The following SMYD3 variants were observed in gnomAD, a reference collection of about 807,000 sequenced individuals.
SMYD3 encodes the protein histone-lysine N-methyltransferase SMYD3.
In SMYD3, 36 loss-of-function variants were observed where a neutral mutation model predicts 57.7. That is an observed-to-expected ratio of 0.62 (90% CI 0.48 to 0.82). The LOEUF (loss-of-function observed/expected upper bound fraction) is 0.82, where lower values mean the gene tolerates loss of function less well. Among genes scored for constraint, SMYD3 ranks in the 40% least tolerant of loss-of-function variants. The pLI is 0.00. For missense variants in SMYD3, 515 were observed against 538.8 expected (o/e 0.96, Z 0.44); for synonymous variants, 211 against 195.0 (o/e 1.08, Z -0.68).
At chr1:246,043,849 C>T (rs1004071308) in intron 5 of SMYD3, among the ~76,000 whole-genome samples, 2 of 152,144 alleles carry the variant, frequency 1.3e-5, no homozygotes, top group African/African-American at 4.8e-5. Flanking sequence ...GAGTTAGAGC[C>T]CTGCCAGAGG....
At chr1:246,174,973 T>C (rs2062409224) in intron 5 of SMYD3, among the ~76,000 whole-genome samples, 1 of 152,226 alleles carries the variant, frequency 6.6e-6, no homozygotes. Context: ...TAGGTATTAA[T>C]GAGAGTGTGG....
intron 5 of SMYD3, among the ~76,000 whole-genome samples, chr1:245,980,158 C>T (rs780847813): frequency 4.6e-5 from 7 of 152,214 alleles, no homozygotes; most frequent in East Asian, 1.9e-4. Context: ...GCAACCCAAG[C>T]GGCATGATCT....
intron 10 of SMYD3, among the ~76,000 whole-genome samples, chr1:245,768,749 G>A (rs1414099152): frequency 1.3e-5 from 2 of 152,148 alleles, no homozygotes; most frequent in Non-Finnish European, 2.9e-5. Flanking sequence ...CTTCCACTGT[G>A]TAAGGACACA....
chr1:246,179,216 A>G (rs1558292825), intron 5 of SMYD3: 4 of 153,434 alleles, frequency 2.6e-5, no homozygotes, highest in East Asian at 1.9e-4. Context: ...CGAAAGCCAC[A>G]TGGCACTGGG....
chr1:246,348,589 G>C (rs1016878418), intron 2 of SMYD3, among the ~76,000 whole-genome samples: 1 of 152,026 alleles, frequency 6.6e-6, no homozygotes, highest in Non-Finnish European at 1.5e-5. Flanking sequence ...ACAGACATTG[G>C]AGAATATAAG....
chr1:245,985,493 C>T (rs1436299491), intron 5 of SMYD3, among the ~76,000 whole-genome samples: 1 of 152,144 alleles, frequency 6.6e-6, no homozygotes, highest in Non-Finnish European at 1.5e-5. Context: ...TGCAAACCAC[C>T]TTTATGTCCT....
rs1336478497 is a variant in SMYD3 at position 245,913,350 on chromosome 1, C to T, written c.813+2180G>A. ...ACACAGGAAGGGGAACATCACACACCGGGGCCTGTTGTGGTGTGGGGGGAG... is the reference window on the plus strand; with the variant it reads ...ACACAGGAAGGGGAACATCACACACTGGGGCCTGTTGTGGTGTGGGGGGAG... On this transcript the variant is annotated intron_variant, in intron 8 of 11. Coordinates refer to ENST00000490107, the MANE Select transcript of SMYD3 (RefSeq NM_001167740.2). 8.2e-5 allele frequency among the ~76,000 whole-genome samples: 10 copies of T among 122,234 alleles called. No homozygotes were observed. In the East Asian group the frequency reaches 8.7e-4, roughly 11 times the overall value. 80.2% of individuals were successfully genotyped at this position (122,234 alleles called of 152,430 possible).
At chr1:246,039,828 G>A (rs1029201941) in intron 5 of SMYD3, among the ~76,000 whole-genome samples, 1 of 152,164 alleles carries the variant, frequency 6.6e-6, no homozygotes. Context: ...CTCTGCCAAT[G>A]ACCTATATTG....
At chr1:246,375,911 G>A (rs1177593201) in intron 1 of SMYD3, among the ~76,000 whole-genome samples, 1 of 151,814 alleles carries the variant, frequency 6.6e-6, no homozygotes, top group Non-Finnish European at 1.5e-5. Flanking sequence ...TGTATTTTTA[G>A]TAGAGACGGG....
chr1:245,826,060 G>A (rs7543518), intron 10 of SMYD3, among the ~76,000 whole-genome samples: 86,165 of 106,854 alleles, frequency 0.81, 36,740 homozygotes, highest in Non-Finnish European at 0.94. Context: ...AAAAATGGAA[G>A]AATATGCATC....
At chr1:246,011,919 T>C (rs909497607) in intron 5 of SMYD3, among the ~76,000 whole-genome samples, 4 of 152,198 alleles carry the variant, frequency 2.6e-5, no homozygotes, top group Non-Finnish European at 5.9e-5. Flanking sequence ...AAACTGATAC[T>C]GGCCGTCAGT....
At chr1:245,861,999 C>T (rs1031019744) in intron 9 of SMYD3, among the ~76,000 whole-genome samples, 11 of 96,770 alleles carry the variant, frequency 1.1e-4, no homozygotes, top group African/African-American at 3.0e-4. Context: ...GGCCCCAATA[C>T]CGCTGCCAGG....
intron 5 of SMYD3, among the ~76,000 whole-genome samples, chr1:246,242,419 C>A (rs984911982): frequency 4.6e-5 from 7 of 152,114 alleles, no homozygotes; most frequent in Non-Finnish European, 1.0e-4. Flanking sequence ...GTTTCTTAAT[C>A]CTGAGTTCTA....
intron 10 of SMYD3, among the ~76,000 whole-genome samples, chr1:245,811,825 T>C (rs2048486705): frequency 6.6e-6 from 1 of 152,198 alleles, no homozygotes; most frequent in Non-Finnish European, 1.5e-5. Context: ...CTTGAAAGGT[T>C]ATCTTCATTT....
intron 5 of SMYD3, among the ~76,000 whole-genome samples, chr1:246,026,545 C>G (rs1233628724): frequency 2.6e-5 from 4 of 152,148 alleles, no homozygotes; most frequent in Non-Finnish European, 5.9e-5. Flanking sequence ...TTTGGTAATT[C>G]TCACAATAAT....
intron 1 of SMYD3, among the ~76,000 whole-genome samples, chr1:246,404,273 T>A (rs990594366): frequency 6.6e-6 from 1 of 152,218 alleles, no homozygotes; most frequent in South Asian, 2.1e-4. Context: ...CAAGATCCCA[T>A]CTGTGCTGAC....
At chr1:245,940,027 C>G (rs1421954699) in intron 5 of SMYD3, among the ~76,000 whole-genome samples, 1 of 152,180 alleles carries the variant, frequency 6.6e-6, no homozygotes, top group Non-Finnish European at 1.5e-5. Flanking sequence ...TATGGCAAAT[C>G]ATGGCCAGAC....
chr1:246,407,868 T>TAAATAAATTA (rs1553342884), intron 1 of SMYD3, among the ~76,000 whole-genome samples: 14 of 149,820 alleles, frequency 9.3e-5, no homozygotes, highest in African/African-American at 3.2e-4. Context: ...AATAAATAAA[T>TAAATAAATTA]TATATATATA....
At chr1:246,163,243 T>C (rs969020437) in intron 5 of SMYD3, among the ~76,000 whole-genome samples, 1 of 152,202 alleles carries the variant, frequency 6.6e-6, no homozygotes, top group Non-Finnish European at 1.5e-5. Context: ...TTTGACATTT[T>C]CCAGCTTGCC....
Sources: gnomAD v4.1 joint callset for allele counts (sites outside exome capture counted in the v4.1 genomes callset) on GRCh38, gnomAD v4.1.1 for gene constraint, MANE v1.5 for transcripts, NCBI Gene and HGNC (gene_info 2026-07-23, HGNC 2026-07-21) for gene names.